The following PPIL6 variants were observed in gnomAD, a reference collection of about 807,000 sequenced individuals.
PPIL6 encodes probable inactive peptidyl-prolyl cis-trans isomerase-like 6.
In PPIL6, 39 loss-of-function variants were observed where a neutral mutation model predicts 36.8. The observed-to-expected ratio is 1.06, with a 90% CI of 0.82 to 1.38. PPIL6 has a LOEUF of 1.38. Ranked by LOEUF, PPIL6 falls within the 40% of genes most tolerant of loss-of-function variation. The pLI, the probability that PPIL6 is intolerant of heterozygous loss-of-function variation, is 0.00. For missense variants in PPIL6, 368 were observed against 379.1 expected (o/e 0.97, Z 0.24); for synonymous variants, 123 against 134.1 (o/e 0.92, Z 0.57).
intron 5 of PPIL6, among the ~76,000 whole-genome samples, chr6:109,424,029 A>T (rs1773686047): frequency 6.6e-6 from 1 of 152,226 alleles, no homozygotes; most frequent in African/African-American, 2.4e-5. Context: ...AAATGAACTA[A>T]GAAACATATG....
At position 109,390,580 on chromosome 6, in the gene PPIL6, A is replaced by T. The variant is rs946987061; in HGVS notation, c.*2246T>A. The T allele has an allele frequency of 2.0e-4, 30 of 152,444 alleles. No individual in the cohort carries two copies. The highest frequency in any genetic ancestry group is 7.0e-4 in the African/African-American group (29 of 41,580). 9.4% of individuals were successfully genotyped at this position (152,444 alleles called of 1,614,324 possible). A position where few individuals can be genotyped will look rare whatever the true frequency, so the allele number is the denominator to read the frequency against. On this transcript the variant is annotated 3_prime_UTR_variant, in exon 8 of 8. Coordinates refer to ENST00000521072, the MANE Select transcript of PPIL6 (RefSeq NM_173672.5). The stretch of plus-strand genomic sequence containing the variant: ...GTCATTAAAAGGAAAAGCAAATGCC[A>T]GTTGTCAGGAGTTAGGGATGGCAGA...
rs1774800836 is a variant in PPIL6 at position 109,440,616 on chromosome 6, C to T, written c.-26G>A. The stretch of plus-strand genomic sequence containing the variant: ...GGCCGCGCCCGGGGACGCCCGGTGA[C>T]CCCAAACACTGCGCGTCGCTCCGGC... On this transcript the variant is annotated 5_prime_UTR_variant, in exon 1 of 8. Transcript: ENST00000521072. The T allele has an allele frequency of 1.6e-6, 2 of 1,236,880 alleles. No homozygotes were observed. Among genetic ancestry groups the T allele is most frequent in the Non-Finnish European group, 2.0e-6 (2 of 990,208 alleles). The allele number at this position is 1,236,880 out of a possible 1,614,324, so 76.6% of individuals were successfully genotyped here.
chr6:109,415,864 T>A (rs1318776478), intron 6 of PPIL6, among the ~76,000 whole-genome samples: 2 of 152,212 alleles, frequency 1.3e-5, no homozygotes, highest in East Asian at 1.9e-4. Flanking sequence ...ACCACTTTGA[T>A]GCCTTTGGTG....
intron 5 of PPIL6, among the ~76,000 whole-genome samples, chr6:109,424,519 C>T (rs771335371): frequency 1.3e-5 from 2 of 152,134 alleles, no homozygotes; most frequent in African/African-American, 4.8e-5. Flanking sequence ...TACATAGTCC[C>T]GTGGTATCAG....
At chr6:109,423,544 G>T (rs923304483) in intron 5 of PPIL6, among the ~76,000 whole-genome samples, 2 of 151,978 alleles carry the variant, frequency 1.3e-5, no homozygotes, top group Non-Finnish European at 2.9e-5. Flanking sequence ...TGACTAATGG[G>T]CTATTGAAAA....
chr6:109,390,451 C>A lies in PPIL6; in HGVS notation c.*2375G>T, dbSNP rs993338526. On this transcript the variant is annotated 3_prime_UTR_variant, in exon 8 of 8. Coordinates refer to ENST00000521072, the MANE Select transcript of PPIL6 (RefSeq NM_173672.5). ...CTGGCCCTAGAACACACATTCTTAA[C>A]ACTATGTTGCTCTGGGTCAGTTGAG... 1 of 152,210 alleles carries A rather than the reference C, an allele frequency of 6.6e-6. No individual in the cohort carries two copies. Among genetic ancestry groups the A allele is most frequent in the African/African-American group, 2.4e-5 (1 of 41,456 alleles). 9.4% of individuals were successfully genotyped at this position (152,210 alleles called of 1,614,324 possible).
At position 109,426,909 on chromosome 6, in the gene PPIL6, C is replaced by G. The variant is rs1346217850; in HGVS notation, c.569G>C (p.Arg190Thr). 6.2e-7 allele frequency: 1 copy of G among 1,608,064 alleles called. No homozygotes were observed. The highest frequency in any genetic ancestry group is 1.1e-5 in the South Asian group (1 of 90,586). ...GKAGFSQRGI[R>T]LHYKNSIFHR... ...AAAAATGGAATTTTTGTAATGTAGTCTTATGCCACGTTGAGAAAACCCTGC... is the reference window on the plus strand; with the variant it reads ...AAAAATGGAATTTTTGTAATGTAGTGTTATGCCACGTTGAGAAAACCCTGC... The change falls in exon 5 of 8, where the codon AGA (arginine) becomes ACA (threonine). Residue 190 changes from arginine (R) to threonine (T), a missense_variant. Coordinates refer to ENST00000521072, the MANE Select transcript of PPIL6 (RefSeq NM_173672.5).
chr6:109,419,954 A>G (rs1250299422), intron 5 of PPIL6, among the ~76,000 whole-genome samples: 1 of 152,186 alleles, frequency 6.6e-6, no homozygotes, highest in South Asian at 2.1e-4. Context: ...TGCTTTCTTC[A>G]TAAGTTATTC....
chr6:109,397,495 A>C (rs1772348352), intron 7 of PPIL6, among the ~76,000 whole-genome samples: 1 of 152,150 alleles, frequency 6.6e-6, no homozygotes, highest in South Asian at 2.1e-4. Flanking sequence ...TGTTTTCATA[A>C]CATACTCTAA....
At chr6:109,403,827 A>G (rs1772665557) in intron 6 of PPIL6, among the ~76,000 whole-genome samples, 1 of 152,152 alleles carries the variant, frequency 6.6e-6, no homozygotes, top group Non-Finnish European at 1.5e-5. Context: ...TCACAGCCCC[A>G]GTTTTAATTC....
At chr6:109,436,311 C>A in intron 1 of PPIL6, 112 bp from the exon 2 acceptor site, 1 of 647,966 alleles carries the variant, frequency 1.5e-6, no homozygotes, top group African/African-American at 1.8e-5. Context: ...CAAGCCCAGG[C>A]CATGCAGTCC....
chr6:109,429,092 T>C (rs1254709538), intron 3 of PPIL6, among the ~76,000 whole-genome samples: 2 of 152,186 alleles, frequency 1.3e-5, no homozygotes, highest in Non-Finnish European at 2.9e-5. Flanking sequence ...TAACCGGAAG[T>C]AAACAAATCC....
intron 6 of PPIL6, 72 bp from the exon 7 acceptor site, chr6:109,400,242 C>A: frequency 4.8e-6 from 6 of 1,237,380 alleles, no homozygotes; most frequent in Non-Finnish European, 6.8e-6. Context: ...ATATAAGGAA[C>A]AAATAGAACC....
intron 5 of PPIL6, among the ~76,000 whole-genome samples, chr6:109,422,567 C>T (rs1029770314): frequency 5.9e-5 from 9 of 151,798 alleles, no homozygotes; most frequent in Admixed American, 1.3e-4. Flanking sequence ...TCAGCCTGAG[C>T]GACAGAACAA....
rs1460338884 is a variant in PPIL6, at chr6:109,413,338, A to G, written c.688+5849T>C. 6.6e-6 allele frequency among the ~76,000 whole-genome samples: 1 copy of G among 152,202 alleles called. No homozygotes were observed. The highest frequency in any genetic ancestry group is 2.4e-5 in the African/African-American group (1 of 41,448). On this transcript the variant is annotated intron_variant, in intron 6 of 7. Transcript: ENST00000521072. This position sits in a 1 kb window ranked among gnomAD's most constrained non-coding sequence, Gnocchi z 4.6. ...ACATTTCTCAAAAGAAGACATACAAATGGCAAACAGGCATATGAAAAGGTG... is the reference window on the plus strand; with the variant it reads ...ACATTTCTCAAAAGAAGACATACAAGTGGCAAACAGGCATATGAAAAGGTG...
At chr6:109,424,003 GA>G (rs1773685086) in intron 5 of PPIL6, among the ~76,000 whole-genome samples, 1 of 152,086 alleles carries the variant, frequency 6.6e-6, no homozygotes, top group East Asian at 1.9e-4. Context: ...GGAATTTAGA[GA>G]AACAGACAAT....
At chr6:109,415,360 T>C in intron 6 of PPIL6, among the ~76,000 whole-genome samples, 1 of 152,308 alleles carries the variant, frequency 6.6e-6, no homozygotes, top group African/African-American at 2.4e-5. Context: ...TTGTCTAGTG[T>C]CAGTTTGTTT....
chr6:109,426,900 T>C lies in PPIL6; in HGVS notation c.578A>G (p.Tyr193Cys), dbSNP rs1237576911. 3 of 1,604,112 alleles carry C rather than the reference T, an allele frequency of 1.9e-6. No homozygotes were observed. The highest frequency in any genetic ancestry group is 8.5e-7 in the Non-Finnish European group (1 of 1,172,390). The change falls in exon 5 of 8, where the codon TAC becomes TGC. Residue 193 changes from tyrosine (Y) to cysteine (C), a missense_variant. Physicochemically the swap from Tyr to Cys is radical, Grantham distance 194. Transcript: ENST00000521072. Reference sequence around the variant, plus strand: ...TATTCGATGAAAAATGGAATTTTTGTAATGTAGTCTTATGCCACGTTGAGA... The same window carrying C: ...TATTCGATGAAAAATGGAATTTTTGCAATGTAGTCTTATGCCACGTTGAGA... ...GFSQRGIRLHYKNSIFHRIVQ... is the reference protein window; with the variant it reads ...GFSQRGIRLHCKNSIFHRIVQ...
chr6:109,430,284 T>A (rs1258155327), intron 3 of PPIL6, among the ~76,000 whole-genome samples: 1 of 152,226 alleles, frequency 6.6e-6, no homozygotes, highest in Non-Finnish European at 1.5e-5. Flanking sequence ...TGAGCAGGAC[T>A]GCAAAGTACC....
Sources: gnomAD v4.1 joint callset for allele counts (sites outside exome capture counted in the v4.1 genomes callset) on GRCh38, gnomAD v4.1.1 for gene constraint, Gnocchi (gnomAD v3.1) non-coding constraint, MANE v1.5 for transcripts, NCBI Gene and HGNC (gene_info 2026-07-23, HGNC 2026-07-21) for gene names.